The following CACNA1C variants were observed in gnomAD, a reference collection of about 807,000 sequenced individuals.
CACNA1C encodes the protein calcium voltage-gated channel subunit alpha1 C.
Under a neutral mutation model 229.0 loss-of-function variants are expected in CACNA1C, and 30 were observed. The ratio of observed to expected loss-of-function variants is 0.13; its 90% CI spans 0.10 to 0.18. The LOEUF (loss-of-function observed/expected upper bound fraction) is 0.18. Ranked by LOEUF, CACNA1C falls within the 10% of genes least tolerant of loss-of-function variation. CACNA1C has a pLI of 1.00. For missense variants in CACNA1C, 1,658 were observed against 2,845.0 expected, an observed-to-expected ratio of 0.58 and a Z score of 9.49; for synonymous variants, 1,114 against 1,132.5, an observed-to-expected ratio of 0.98 and a Z score of 0.33.
intron 3 of CACNA1C, among the ~76,000 whole-genome samples, chr12:2,259,273 C>G (rs547362619): frequency 1.4e-4 from 22 of 152,202 alleles, no homozygotes; most frequent in Non-Finnish European, 2.6e-4. Context: ...TGTGTTCTAA[C>G]AAGCCCACCA....
At chr12:2,079,258 A>G in intron 1 of CACNA1C, among the ~76,000 whole-genome samples, 1 of 152,156 alleles carries the variant, frequency 6.6e-6, no homozygotes, top group South Asian at 2.1e-4. Flanking sequence ...GTGCACATGT[A>G]CCCTAAAACT....
intron 3 of CACNA1C, among the ~76,000 whole-genome samples, chr12:2,241,387 G>C (rs981761942): frequency 6.6e-6 from 1 of 152,068 alleles, no homozygotes; most frequent in Non-Finnish European, 1.5e-5. Flanking sequence ...CCCAATTCCA[G>C]ATCTTTTTAT....
At chr12:2,242,063 G>C (rs1482922037) in intron 3 of CACNA1C, among the ~76,000 whole-genome samples, 1 of 152,026 alleles carries the variant, frequency 6.6e-6, no homozygotes, top group Non-Finnish European at 1.5e-5. Flanking sequence ...CATTGTCCTT[G>C]TGCCCTCTGC....
chr12:2,270,757 T>TG (rs1283440293), intron 3 of CACNA1C, among the ~76,000 whole-genome samples: 11 of 152,340 alleles, frequency 7.2e-5, no homozygotes, highest in Admixed American at 7.2e-4. Context: ...TCCATCCTGA[T>TG]GCCACAATGT....
intron 3 of CACNA1C, among the ~76,000 whole-genome samples, chr12:2,289,154 G>T (rs2093143815): frequency 6.6e-6 from 1 of 152,198 alleles, no homozygotes; most frequent in Non-Finnish European, 1.5e-5. Context: ...AAAATGCTGG[G>T]TCTTCTCTCC....
chr12:2,128,755 C>G (rs974113845), intron 3 of CACNA1C, among the ~76,000 whole-genome samples: 1 of 152,214 alleles, frequency 6.6e-6, no homozygotes. Context: ...TCTAACACAA[C>G]AGCAACAGAC....
At chr12:2,674,665 C>A in intron 39 of CACNA1C, 23 bp downstream of exon 39, 1 of 1,538,632 alleles carries the variant, frequency 6.5e-7, no homozygotes, top group Non-Finnish European at 8.8e-7. Context: ...TGGACTCCCG[C>A]ACCTTGGCCA....
In CACNA1C at chr12:2,097,184, C is replaced by T. The variant is rs931073128; in HGVS notation, c.50-18040C>T. Among the ~76,000 whole-genome samples the T allele has an allele frequency of 2.0e-4, 31 of 152,156 alleles. 1 individual carries two copies. In the Middle Eastern group the frequency reaches 0.024, roughly 117 times the overall value. Reference sequence around the variant, plus strand: ...TTTTTGAGATGGAGTCTTGCTCTGTCACCCAGGCTGGAGTGCAGTGGCGCG... The same window carrying T: ...TTTTTGAGATGGAGTCTTGCTCTGTTACCCAGGCTGGAGTGCAGTGGCGCG... On this transcript the variant is annotated intron_variant, in intron 1 of 46. Transcript: ENST00000399655.
Position 2,082,022 on chromosome 12 carries a change from T to C in CACNA1C, c.49+28411T>C, listed in dbSNP as rs73603728. Among the ~76,000 whole-genome samples the C allele has an allele frequency of 8.3e-3, 1,261 of 151,998 alleles. 21 individuals carry two copies. Among genetic ancestry groups the C allele is most frequent in the African/African-American group, 0.027 (1,102 of 41,440 alleles). On this transcript the variant is annotated intron_variant, in intron 1 of 46. Coordinates refer to ENST00000399655, the MANE Select transcript of CACNA1C (RefSeq NM_000719.7). ...AAGGTAACGCTGCCATTTTGAGAGG[T>C]AAGAAAACAGGGGGGACAGGGGGGA...
rs532147670 is a variant in CACNA1C, at chr12:2,428,752, A to G, written c.478-20224A>G. ...AGACATGAGAGAAGAAAGAGAGCTC[A>G]TTAAAGTCAGAGGTGCTCTCTGCTT... On this transcript the variant is annotated intron_variant, in intron 3 of 46. Transcript: ENST00000399655. 1.8e-4 allele frequency among the ~76,000 whole-genome samples: 27 copies of G among 152,344 alleles called. No homozygotes were observed. The South Asian group carries it at 5.2e-3, about 29-fold the overall frequency.
In CACNA1C at chr12:2,486,117, C is replaced by T. The variant is rs112315742; in HGVS notation, c.771C>T (p.Val257=). Reference sequence around the variant, plus strand: ...CTGTCCCCGCAGGTCTCCAGGTGGTCCTGAATTCCATCATCAAGGCCATGG... The same window carrying T: ...CTGTCCCCGCAGGTCTCCAGGTGGTTCTGAATTCCATCATCAAGGCCATGG... ...LVSGVPSLQV[V]LNSIIKAMVP... Residue 257 remains valine (V), a synonymous_variant, in exon 6 of 47, where the codon GTC becomes GTT. Transcript: ENST00000399655. This position sits in a 1 kb window ranked among gnomAD's most constrained non-coding sequence, Gnocchi z 4.9. 2,586 of 1,607,766 alleles carry T rather than the reference C, an allele frequency of 1.6e-3. 43 individuals are homozygous for T. In the African/African-American group the frequency reaches 0.031, roughly 19 times the overall value.
intron 3 of CACNA1C, among the ~76,000 whole-genome samples, chr12:2,147,150 G>A (rs529509141): frequency 1.1e-4 from 16 of 151,366 alleles, no homozygotes; most frequent in Middle Eastern, 3.4e-3. Context: ...TACAGCAAAC[G>A]AATCACTGAG....
chr12:2,238,094 G>A (rs762260813), intron 3 of CACNA1C, among the ~76,000 whole-genome samples: 9 of 152,174 alleles, frequency 5.9e-5, no homozygotes, highest in East Asian at 1.9e-4. Context: ...TCTAGCCTTC[G>A]TCGTCAAAAC....
At chr12:2,375,219 G>C (rs1384011604) in intron 3 of CACNA1C, among the ~76,000 whole-genome samples, 1 of 152,208 alleles carries the variant, frequency 6.6e-6, no homozygotes, top group African/African-American at 2.4e-5. Context: ...AAGGAGACAG[G>C]ATGGTTGAGA....
chr12:2,172,216 G>C (rs1159320457), intron 3 of CACNA1C, among the ~76,000 whole-genome samples: 1 of 152,188 alleles, frequency 6.6e-6, no homozygotes, highest in Non-Finnish European at 1.5e-5. Flanking sequence ...GGGAAGTAAA[G>C]CTCATTATCA....
intron 38 of CACNA1C, 156 bp from the exon 39 acceptor site, chr12:2,674,385 T>G: frequency 9.3e-7 from 1 of 1,075,020 alleles, no homozygotes; most frequent in Non-Finnish European, 1.3e-6. Flanking sequence ...AGGTGGAAAA[T>G]GGGAAGACTG....
At chr12:2,120,692 G>GTGTGTGTGTGTGTGTGTGTT (rs764879260) in intron 3 of CACNA1C, among the ~76,000 whole-genome samples, 113 of 150,652 alleles carry the variant, frequency 7.5e-4, no homozygotes, top group South Asian at 2.5e-3. Flanking sequence ...GTGTGTGTGT[G>GTGTGTGTGTGTGTGTGTGTT]TGTGTTTAGT....
intron 3 of CACNA1C, among the ~76,000 whole-genome samples, chr12:2,140,751 G>A (rs1261706595): frequency 6.6e-6 from 1 of 151,370 alleles, no homozygotes; most frequent in African/African-American, 2.4e-5. Flanking sequence ...CTGTGTACCA[G>A]GCTAGGTGCT....
intron 9 of CACNA1C, chr12:2,547,521 C>T: frequency 1.3e-6 from 1 of 779,710 alleles, no homozygotes; most frequent in Non-Finnish European, 2.4e-6. Flanking sequence ...CACAGAAACC[C>T]ATGGTAATGT....
Sources: gnomAD v4.1 joint callset for allele counts (sites outside exome capture counted in the v4.1 genomes callset) on GRCh38, gnomAD v4.1.1 for gene constraint, Gnocchi (gnomAD v3.1) non-coding constraint, MANE v1.5 for transcripts, NCBI Gene and HGNC (gene_info 2026-07-23, HGNC 2026-07-21) for gene names.